Variants in NTM observed in about 807,000 individuals in gnomAD.
The protein encoded by NTM is IgLON family member 2.
NTM carries 13 observed loss-of-function variants against 42.1 expected under a neutral mutation model. That is an observed-to-expected ratio of 0.31 (90% CI 0.20 to 0.49). The LOEUF (loss-of-function observed/expected upper bound fraction) is 0.49, where lower values mean the gene tolerates loss of function less well. NTM is among the 20% of genes least tolerant of loss of function. The pLI is 0.99. For synonymous variants in NTM, 187 were observed against 179.2 expected, an observed-to-expected ratio of 1.04 and a Z score of -0.35; for missense variants, 373 against 452.8, an observed-to-expected ratio of 0.82 and a Z score of 1.60.
intron 1 of NTM, among the ~76,000 whole-genome samples, chr11:131,442,811 G>T (rs955298280): frequency 6.6e-6 from 1 of 151,402 alleles, no homozygotes; most frequent in African/African-American, 2.4e-5. Flanking sequence ...TTATATATAT[G>T]TGTGTGTATA....
At chr11:131,674,460 G>A (rs897792239) in intron 1 of NTM, among the ~76,000 whole-genome samples, 1 of 152,234 alleles carries the variant, frequency 6.6e-6, no homozygotes, top group Non-Finnish European at 1.5e-5. Flanking sequence ...GCATGACCTG[G>A]ATGGTGCTTC....
intron 2 of NTM, among the ~76,000 whole-genome samples, chr11:132,117,458 TC>T (rs1416308422): frequency 1.3e-5 from 2 of 152,208 alleles, no homozygotes; most frequent in African/African-American, 4.8e-5. Context: ...GAGTGACAAG[TC>T]TTTGCTCTCA....
chr11:131,604,427 G>T (rs2060754798), intron 1 of NTM, among the ~76,000 whole-genome samples: 1 of 152,048 alleles, frequency 6.6e-6, no homozygotes, highest in Admixed American at 6.6e-5. Context: ...TGGGATACTA[G>T]TCCTTTATTA....
intron 1 of NTM, among the ~76,000 whole-genome samples, chr11:131,824,166 G>A (rs941030468): frequency 6.6e-6 from 1 of 152,190 alleles, no homozygotes; most frequent in Admixed American, 6.5e-5. Context: ...GGCTGAAGAG[G>A]AAAAGTTAGT....
intron 1 of NTM, among the ~76,000 whole-genome samples, chr11:131,595,977 G>T (rs2137336944): frequency 6.6e-6 from 1 of 152,328 alleles, no homozygotes; most frequent in South Asian, 2.1e-4. Context: ...TAGGAGCTAG[G>T]TCCTATTGCA....
intron 4 of NTM, among the ~76,000 whole-genome samples, chr11:132,261,624 T>A (rs1044949052): frequency 2.0e-5 from 3 of 152,190 alleles, no homozygotes; most frequent in Non-Finnish European, 4.4e-5. Flanking sequence ...CTTTTAAGAT[T>A]GAAGGCAGAA....
intron 3 of NTM, among the ~76,000 whole-genome samples, chr11:132,149,406 C>G: frequency 6.7e-6 from 1 of 150,286 alleles, no homozygotes; most frequent in African/African-American, 2.5e-5. Context: ...TATTATGATC[C>G]TTTAAAAAAA....
chr11:131,963,941 T>G (rs1057416403), intron 2 of NTM, among the ~76,000 whole-genome samples: 3 of 152,350 alleles, frequency 2.0e-5, no homozygotes, highest in Middle Eastern at 3.4e-3. Flanking sequence ...TCTGAATGTA[T>G]GCTTCTAATC....
intron 1 of NTM, among the ~76,000 whole-genome samples, chr11:131,634,993 A>G (rs1029038668): frequency 6.6e-6 from 1 of 152,210 alleles, no homozygotes; most frequent in African/African-American, 2.4e-5. Context: ...TCTTGCAACA[A>G]ATAATGACCT....
chr11:132,302,818 C>T (rs1036133487), intron 4 of NTM, among the ~76,000 whole-genome samples: 18 of 152,204 alleles, frequency 1.2e-4, no homozygotes, highest in African/African-American at 4.3e-4. Context: ...AGATGTGTGC[C>T]CACAGACTCC....
At chr11:132,007,911 A>T (rs2071177473) in intron 2 of NTM, among the ~76,000 whole-genome samples, 1 of 152,158 alleles carries the variant, frequency 6.6e-6, no homozygotes, top group Admixed American at 6.5e-5. Context: ...TAAAAGGTAG[A>T]TGGTGAGAAT....
At chr11:132,256,458 C>T (rs1036886488) in intron 4 of NTM, among the ~76,000 whole-genome samples, 3 of 152,190 alleles carry the variant, frequency 2.0e-5, no homozygotes, top group African/African-American at 7.2e-5. Context: ...GATACACTTT[C>T]CTCTCTCACA....
At chr11:131,805,902 A>G (rs940528271) in intron 1 of NTM, among the ~76,000 whole-genome samples, 4 of 152,220 alleles carry the variant, frequency 2.6e-5, no homozygotes, top group Non-Finnish European at 5.9e-5. Flanking sequence ...TCTTATTTGC[A>G]CAAAATTAAA....
chr11:131,757,806 T>C (rs1184595207), intron 1 of NTM, among the ~76,000 whole-genome samples: 1 of 152,054 alleles, frequency 6.6e-6, no homozygotes, highest in Non-Finnish European at 1.5e-5. Flanking sequence ...AGAGTAAAAG[T>C]AGTGGGATGA....
At chr11:132,133,402 T>C (rs1168331274) in intron 2 of NTM, among the ~76,000 whole-genome samples, 2 of 152,192 alleles carry the variant, frequency 1.3e-5, no homozygotes, top group Non-Finnish European at 2.9e-5. Flanking sequence ...CTTAACACAA[T>C]ACATGGCACA....
chr11:131,662,804 C>T (rs1009709338), intron 1 of NTM, among the ~76,000 whole-genome samples: 1 of 152,068 alleles, frequency 6.6e-6, no homozygotes, highest in Admixed American at 6.5e-5. Flanking sequence ...TCAGAACTTG[C>T]CTTGTCAGCT....
chr11:132,051,685 C>G (rs907498780), intron 2 of NTM, among the ~76,000 whole-genome samples: 10 of 152,188 alleles, frequency 6.6e-5, no homozygotes, highest in Non-Finnish European at 1.0e-4. Context: ...CAGGAGGACC[C>G]CTTAGACAGC....
chr11:132,261,340 G>A (rs1246741046), intron 4 of NTM, among the ~76,000 whole-genome samples: 1 of 152,196 alleles, frequency 6.6e-6, no homozygotes, highest in African/African-American at 2.4e-5. Flanking sequence ...TGGATGGAAA[G>A]TACTGCATGG....
chr11:132,319,380 A>G (rs1350490248), intron 7 of NTM, among the ~76,000 whole-genome samples: 1 of 152,192 alleles, frequency 6.6e-6, no homozygotes, highest in Non-Finnish European at 1.5e-5. Flanking sequence ...CAAAGAAAGC[A>G]GTGACCGTCG....
Sources: allele counts gnomAD v4.1 joint callset (sites outside exome capture counted in the v4.1 genomes callset), GRCh38; gene constraint gnomAD v4.1.1; transcripts MANE v1.5; gene names NCBI Gene and HGNC (gene_info 2026-07-23, HGNC 2026-07-21).